The following HIVEP3 variants were observed in gnomAD, a reference collection of about 807,000 sequenced individuals.
The protein encoded by HIVEP3 is transcription factor HIVEP3.
In HIVEP3, 49 loss-of-function variants were observed where a neutral mutation model predicts 152.8. The ratio of observed to expected loss-of-function variants is 0.32; its 90% CI spans 0.26 to 0.41. The LOEUF (loss-of-function observed/expected upper bound fraction) is 0.41. Among genes scored for constraint, HIVEP3 ranks in the 10% least tolerant of loss-of-function variants. The probability of loss-of-function intolerance (pLI) is 1.00; values close to 1 mark genes in which losing one functional copy is unlikely to be tolerated. For synonymous variants in HIVEP3, 1,269 were observed against 1,289.0 expected, an observed-to-expected ratio of 0.98 and a Z score of 0.33; for missense variants, 2,790 against 3,103.3, an observed-to-expected ratio of 0.90 and a Z score of 2.40.
chr1:41,536,159 C>T (rs1345862860), intron 5 of HIVEP3, among the ~76,000 whole-genome samples: 3 of 152,054 alleles, frequency 2.0e-5, no homozygotes, highest in African/African-American at 7.2e-5. Context: ...CTGAATATAA[C>T]AAAAGATGGA....
intron 1 of HIVEP3, among the ~76,000 whole-genome samples, chr1:42,027,040 C>A (rs1645586304): frequency 6.6e-6 from 1 of 152,148 alleles, no homozygotes; most frequent in Non-Finnish European, 1.5e-5. Flanking sequence ...AAATTTCTCT[C>A]CTACTTTTGC....
intron 1 of HIVEP3, among the ~76,000 whole-genome samples, chr1:41,888,571 T>C (rs1349353374): frequency 6.6e-6 from 1 of 151,862 alleles, no homozygotes; most frequent in Non-Finnish European, 1.5e-5. Flanking sequence ...TTAGGCCTTG[T>C]AGAGAATAAG....
chr1:41,842,067 G>A (rs946183570), intron 1 of HIVEP3, among the ~76,000 whole-genome samples: 10 of 151,868 alleles, frequency 6.6e-5, no homozygotes, highest in Admixed American at 2.0e-4. Context: ...CACTCAGCCC[G>A]GGCAACAGAG....
intron 1 of HIVEP3, among the ~76,000 whole-genome samples, chr1:41,734,153 C>T (rs1389725750): frequency 2.0e-4 from 31 of 152,196 alleles, no homozygotes; most frequent in Non-Finnish European, 8.8e-5. Context: ...CTGGGGTGGG[C>T]TCTCTGAGGC....
At chr1:41,747,363 C>T (rs10158716) in intron 1 of HIVEP3, among the ~76,000 whole-genome samples, 1 of 152,222 alleles carries the variant, frequency 6.6e-6, no homozygotes, top group Non-Finnish European at 1.5e-5. Context: ...CATGGCAGTG[C>T]CAGTCACCCA....
chr1:41,863,736 A>G (rs1259334192), intron 1 of HIVEP3, among the ~76,000 whole-genome samples: 1 of 152,112 alleles, frequency 6.6e-6, no homozygotes, highest in Non-Finnish European at 1.5e-5. Flanking sequence ...TAGTAATTCT[A>G]CCTCTCTCAA....
intron 5 of HIVEP3, among the ~76,000 whole-genome samples, chr1:41,545,871 C>A (rs1435563830): frequency 6.6e-6 from 1 of 152,092 alleles, no homozygotes; most frequent in Non-Finnish European, 1.5e-5. Context: ...GCCCTAGTCA[C>A]AGAGAGGAAC....
Position 41,511,140 on chromosome 1 carries a change from T to C in HIVEP3, c.6532A>G (p.Ser2178Gly). 6.2e-7 allele frequency: 1 copy of C among 1,614,088 alleles called. No homozygotes were observed. The highest frequency in any genetic ancestry group is 8.5e-7 in the Non-Finnish European group (1 of 1,180,008). ...ILARTEENIF[S>G]HLPLHSQHLT... ...TGCTGGGAGTGCAGAGGCAGGTGGC[T>C]GAAGATGTTCTCCTCTGTCCGGGCC... is the stretch of plus-strand genomic sequence containing the variant. The change falls in exon 9 of 9, where the codon AGC (serine) becomes GGC (glycine). Residue 2178 changes from serine (S) to glycine (G), a missense_variant. Coordinates refer to ENST00000372583, the MANE Select transcript of HIVEP3 (RefSeq NM_024503.5). This position sits in a 1 kb window ranked among gnomAD's most constrained non-coding sequence, Gnocchi z 4.9.
intron 4 of HIVEP3, among the ~76,000 whole-genome samples, 166 bp from the exon 5 acceptor site, chr1:41,575,855 G>A (rs1569969477): frequency 6.6e-6 from 1 of 152,184 alleles, no homozygotes; most frequent in Non-Finnish European, 1.5e-5. Flanking sequence ...ACAGAATTAA[G>A]GAAACTGATC....
At chr1:41,643,774 G>T (rs1232511284) in intron 2 of HIVEP3, among the ~76,000 whole-genome samples, 1 of 152,060 alleles carries the variant, frequency 6.6e-6, no homozygotes, top group African/African-American at 2.4e-5. Context: ...GGAGGGGAAG[G>T]AAAGTGAAGG....
intron 5 of HIVEP3, among the ~76,000 whole-genome samples, chr1:41,534,519 A>T (rs972757909): frequency 1.3e-5 from 2 of 152,056 alleles, no homozygotes; most frequent in Non-Finnish European, 2.9e-5. Context: ...GGACCTGGGG[A>T]TCTCACCCAC....
intron 1 of HIVEP3, among the ~76,000 whole-genome samples, chr1:41,801,112 G>T (rs1207775537): frequency 6.6e-6 from 1 of 152,192 alleles, no homozygotes; most frequent in East Asian, 1.9e-4. Context: ...GTAACCGTGG[G>T]CTTATTAGGG....
intron 2 of HIVEP3, among the ~76,000 whole-genome samples, chr1:41,685,088 C>A (rs1237631504): frequency 1.3e-5 from 2 of 152,176 alleles, no homozygotes; most frequent in Non-Finnish European, 2.9e-5. Flanking sequence ...GTCTCTGAGC[C>A]CCCACTGTCC....
chr1:41,522,552 A>G (rs1642788226), intron 6 of HIVEP3, among the ~76,000 whole-genome samples: 1 of 151,898 alleles, frequency 6.6e-6, no homozygotes, highest in Admixed American at 6.5e-5. Context: ...GATGCTCTAC[A>G]CCCCTGGAAA....
chr1:41,764,381 G>A (rs192193471), intron 1 of HIVEP3, among the ~76,000 whole-genome samples: 77 of 152,310 alleles, frequency 5.1e-4, no homozygotes, highest in African/African-American at 1.8e-3. Context: ...TCGTAGGAGC[G>A]GATTTAACTG....
intron 1 of HIVEP3, among the ~76,000 whole-genome samples, chr1:41,706,292 T>C (rs985374720): frequency 6.6e-6 from 1 of 151,892 alleles, no homozygotes; most frequent in African/African-American, 2.4e-5. Context: ...TTTTTATTTA[T>C]TTACTTATTT....
At chr1:41,811,157 T>C (rs1327825637) in intron 1 of HIVEP3, among the ~76,000 whole-genome samples, 6 of 151,824 alleles carry the variant, frequency 4.0e-5, no homozygotes, top group Non-Finnish European at 7.4e-5. Context: ...AGTTGGTGTT[T>C]ATTGCCCAGT....
intron 1 of HIVEP3, among the ~76,000 whole-genome samples, chr1:42,023,965 C>G (rs1645568833): frequency 6.6e-6 from 1 of 152,254 alleles, no homozygotes; most frequent in Non-Finnish European, 1.5e-5. Context: ...GTAATAAATC[C>G]AGAGTCTGTA....
chr1:41,834,876 G>C (rs1643076877), intron 1 of HIVEP3, among the ~76,000 whole-genome samples: 1 of 152,134 alleles, frequency 6.6e-6, no homozygotes, highest in Non-Finnish European at 1.5e-5. Context: ...AGAGAGAACA[G>C]CAAGTGCAAT....
Sources: allele counts gnomAD v4.1 joint callset (sites outside exome capture counted in the v4.1 genomes callset), GRCh38; gene constraint gnomAD v4.1.1; non-coding constraint Gnocchi (gnomAD v3.1); transcripts MANE v1.5; gene names NCBI Gene and HGNC (gene_info 2026-07-23, HGNC 2026-07-21).